The following FNIP2 variants were observed in gnomAD, a reference collection of about 807,000 sequenced individuals.
FNIP2 encodes the protein folliculin-interacting protein 2.
In FNIP2, 32 loss-of-function variants were observed where a neutral mutation model predicts 108.7. The observed-to-expected ratio is 0.29, with a 90% CI of 0.22 to 0.40. The LOEUF (loss-of-function observed/expected upper bound fraction) is 0.40. FNIP2 is among the 10% of genes least tolerant of loss of function. The pLI, the probability that FNIP2 is intolerant of heterozygous loss-of-function variation, is 1.00. For synonymous variants in FNIP2, 480 were observed against 496.7 expected (o/e 0.97, Z 0.45); for missense variants, 1,202 against 1,381.6 (o/e 0.87, Z 2.06).
chr4:158,833,798 T>C, intron 6 of FNIP2, 170 bp downstream of exon 6: 3 of 1,521,242 alleles, frequency 2.0e-6, no homozygotes, highest in Non-Finnish European at 2.6e-6. Context: ...TTTCCATCTC[T>C]AGGTCTGCTG....
chr4:158,903,807 T>A (rs1382369267), intron 16 of FNIP2, among the ~76,000 whole-genome samples: 1 of 148,472 alleles, frequency 6.7e-6, no homozygotes, highest in Non-Finnish European at 1.5e-5. Flanking sequence ...AACAGTTCAA[T>A]TTTTTTTTTT....
intron 1 of FNIP2, among the ~76,000 whole-genome samples, chr4:158,807,687 CAG>C (rs1448530880): frequency 6.6e-6 from 1 of 151,880 alleles, no homozygotes; most frequent in African/African-American, 2.4e-5. Flanking sequence ...AACAATAAAA[CAG>C]GGCAACAGAG....
Position 158,859,044 on chromosome 4 carries a change from T to C in FNIP2, c.858-13T>C, listed in dbSNP as rs773220322. On this transcript the variant is annotated splice_polypyrimidine_tract_variant and intron_variant, in intron 8 of 16. Coordinates refer to ENST00000264433, the MANE Select transcript of FNIP2 (RefSeq NM_020840.3). ...GATGCATGGCAACTTTTCAAACTTA[T>C]ATTTCCCTCCAGGTCAACTGATGAG... 6.8e-6 allele frequency: 11 copies of C among 1,612,830 alleles called. No homozygotes were observed. Among genetic ancestry groups the C allele is most frequent in the South Asian group, 1.1e-5 (1 of 90,950 alleles).
chr4:158,887,464 C>T (rs1448344292), intron 14 of FNIP2, among the ~76,000 whole-genome samples: 2 of 152,078 alleles, frequency 1.3e-5, no homozygotes, highest in African/African-American at 4.8e-5. Context: ...CAGCCAGGCA[C>T]GGTGGCTCAC....
At chr4:158,800,830 C>T (rs1776737268) in intron 1 of FNIP2, among the ~76,000 whole-genome samples, 1 of 151,962 alleles carries the variant, frequency 6.6e-6, no homozygotes, top group South Asian at 2.1e-4. Flanking sequence ...TTCTATGTTT[C>T]ACAGATTTTA....
At chr4:158,846,419 G>A (rs761169749) in intron 7 of FNIP2, among the ~76,000 whole-genome samples, 7 of 152,056 alleles carry the variant, frequency 4.6e-5, no homozygotes, top group Non-Finnish European at 8.8e-5. Flanking sequence ...TATTGTCCCC[G>A]TTTTACAGAT....
intron 15 of FNIP2, among the ~76,000 whole-genome samples, chr4:158,892,622 C>T (rs181664365): frequency 1.6e-3 from 251 of 152,210 alleles, no homozygotes; most frequent in African/African-American, 5.7e-3. Flanking sequence ...TGGTGATGAA[C>T]ACTTAAAAAG....
intron 10 of FNIP2, 100 bp downstream of exon 10, chr4:158,859,766 T>C (rs1780178439): frequency 3.0e-6 from 3 of 1,002,932 alleles, no homozygotes; most frequent in Non-Finnish European, 4.6e-6. Flanking sequence ...CTGGCAGTTA[T>C]TCCTCACTTT....
chr4:158,815,614 TC>T (rs1217041784), intron 1 of FNIP2, among the ~76,000 whole-genome samples: 1 of 152,128 alleles, frequency 6.6e-6, no homozygotes, highest in African/African-American at 2.4e-5. Context: ...TCCGCCAGCC[TC>T]GGCCTCCCAA....
chr4:158,773,183 G>T (rs1775753310), intron 1 of FNIP2, among the ~76,000 whole-genome samples: 1 of 152,092 alleles, frequency 6.6e-6, no homozygotes, highest in African/African-American at 2.4e-5. Flanking sequence ...TAGCAGTTTT[G>T]ATTTCTTTTG....
chr4:158,785,614 G>A (rs998281311), intron 1 of FNIP2, among the ~76,000 whole-genome samples: 1 of 151,840 alleles, frequency 6.6e-6, no homozygotes, highest in East Asian at 1.9e-4. Context: ...CAGGCGTGAG[G>A]TCCCGCGCCC....
intron 10 of FNIP2, among the ~76,000 whole-genome samples, chr4:158,859,940 A>G (rs1244012795): frequency 6.6e-6 from 1 of 152,206 alleles, no homozygotes; most frequent in Non-Finnish European, 1.5e-5. Flanking sequence ...TCACCAGTCT[A>G]TTCATTATCT....
intron 1 of FNIP2, among the ~76,000 whole-genome samples, chr4:158,800,314 G>A (rs1314279265): frequency 2.0e-5 from 3 of 152,164 alleles, no homozygotes; most frequent in Non-Finnish European, 4.4e-5. Context: ...GGGAAATTGT[G>A]GAGCTTTGTT....
At chr4:158,840,901 TAAAG>T (rs904453081) in intron 7 of FNIP2, among the ~76,000 whole-genome samples, 22 of 152,314 alleles carry the variant, frequency 1.4e-4, no homozygotes, top group African/African-American at 4.3e-4. Flanking sequence ...AGTGGTAAAA[TAAAG>T]AAAGTCAGTA....
At chr4:158,880,537 A>G (rs903307877) in intron 14 of FNIP2, among the ~76,000 whole-genome samples, 2 of 152,194 alleles carry the variant, frequency 1.3e-5, no homozygotes, top group African/African-American at 2.4e-5. Flanking sequence ...ACATGTATAC[A>G]TATGTAACAA....
chr4:158,846,466 T>C (rs1779411279), intron 7 of FNIP2, among the ~76,000 whole-genome samples: 1 of 152,198 alleles, frequency 6.6e-6, no homozygotes, highest in South Asian at 2.1e-4. Context: ...GCTGGCCAAG[T>C]GTCACAGCTA....
At chr4:158,867,421 G>A (rs889920195) in intron 12 of FNIP2, among the ~76,000 whole-genome samples, 1 of 152,084 alleles carries the variant, frequency 6.6e-6, no homozygotes, top group Non-Finnish European at 1.5e-5. Flanking sequence ...TCAAACTCTT[G>A]ACCTAAGGTG....
intron 7 of FNIP2, among the ~76,000 whole-genome samples, chr4:158,850,489 C>G (rs1779636580): frequency 6.6e-6 from 1 of 151,528 alleles, no homozygotes; most frequent in South Asian, 2.1e-4. Context: ...ACTGTCAGCT[C>G]ATACTTCCTG....
In FNIP2 at chr4:158,805,350, C is replaced by A. The variant is rs532837231; in HGVS notation, c.108-20566C>A. On this transcript the variant is annotated intron_variant, in intron 1 of 16. Coordinates refer to ENST00000264433, the MANE Select transcript of FNIP2 (RefSeq NM_020840.3). ...ATTTCTAATAAAAGAAAAATGTTTT[C>A]TTCGTGAACCCACAGAATCATATTG... Among the ~76,000 whole-genome samples the A allele has an allele frequency of 2.6e-5, 4 of 152,236 alleles. No individual in the cohort carries two copies. The South Asian group carries it at 8.3e-4, about 32-fold the overall frequency.
Sources: gnomAD v4.1 joint callset for allele counts (sites outside exome capture counted in the v4.1 genomes callset) on GRCh38, gnomAD v4.1.1 for gene constraint, MANE v1.5 for transcripts, NCBI Gene and HGNC (gene_info 2026-07-23, HGNC 2026-07-21) for gene names.